Variants in RIMBP2 observed in about 807,000 individuals in gnomAD.
The protein encoded by RIMBP2 is RIMS-binding protein 2.
RIMBP2 carries 48 observed loss-of-function variants against 118.6 expected under a neutral mutation model. The ratio of observed to expected loss-of-function variants is 0.40; its 90% CI spans 0.32 to 0.51. The LOEUF (loss-of-function observed/expected upper bound fraction) is 0.51, where lower values mean the gene tolerates loss of function less well. Ranked by LOEUF, RIMBP2 falls within the 20% of genes least tolerant of loss-of-function variation. RIMBP2 has a pLI of 0.41. For synonymous variants in RIMBP2, 762 were observed against 742.9 expected, an observed-to-expected ratio of 1.03 and a Z score of -0.42; for missense variants, 1,551 against 1,768.3, an observed-to-expected ratio of 0.88 and a Z score of 2.20.
chr12:130,548,007 C>T (rs1593750919), intron 2 of RIMBP2, among the ~76,000 whole-genome samples: 1 of 152,252 alleles, frequency 6.6e-6, no homozygotes, highest in East Asian at 1.9e-4. Context: ...GATCGTATGT[C>T]AAGTAGTAGA....
chr12:130,424,386 C>T lies in RIMBP2; in HGVS notation c.2885G>A (p.Arg962Gln), dbSNP rs981884095. ...RGPRPLLARRRTLTRQSSVEE... is the reference protein window; with the variant it reads ...RGPRPLLARRQTLTRQSSVEE... ...CACGCTGCTCTGCCGGGTCAGCGTCCGCCGCCGGGCCAGCAGCGGCCTCGG... is the reference window on the plus strand; with the variant it reads ...CACGCTGCTCTGCCGGGTCAGCGTCTGCCGCCGGGCCAGCAGCGGCCTCGG... The change falls in exon 16 of 23, where the codon CGG becomes CAG. Residue 962 changes from arginine (R) to glutamine (Q), a missense_variant. Coordinates refer to ENST00000690449, the MANE Select transcript of RIMBP2 (RefSeq NM_001393629.1). The surrounding 1 kb of genome is among the most constrained non-coding windows in gnomAD (Gnocchi z 9.8). The T allele has an allele frequency of 1.7e-4, 205 of 1,232,676 alleles. No individual in the cohort carries two copies. The highest frequency in any genetic ancestry group is 6.0e-4 in the African/African-American group (39 of 64,528). The allele number at this position is 1,232,676 out of a possible 1,614,324, so 76.4% of individuals were successfully genotyped here.
intron 4 of RIMBP2, among the ~76,000 whole-genome samples, chr12:130,485,648 T>C (rs1292482222): frequency 6.6e-6 from 1 of 152,216 alleles, no homozygotes; most frequent in Non-Finnish European, 1.5e-5. Context: ...CTTTATTTAG[T>C]TCTGGGAAGG....
chr12:130,667,134 AGAGGGAGGGAAGGGAG>A lies in RIMBP2; in HGVS notation c.-351-38694_-351-38679del, dbSNP rs1239800514. 8.1e-5 allele frequency among the ~76,000 whole-genome samples: 3 copies of A among 36,928 alleles called. No individual in the cohort carries two copies. In the East Asian group the frequency reaches 2.3e-3, roughly 29 times the overall value. The allele number at this position is 36,928 out of a possible 152,430, so 24.2% of individuals were successfully genotyped here. A position where few individuals can be genotyped will look rare whatever the true frequency, so the allele number is the denominator to read the frequency against. On this transcript the variant is annotated intron_variant, in intron 1 of 22. Coordinates refer to ENST00000690449, the MANE Select transcript of RIMBP2 (RefSeq NM_001393629.1). ...AGGAATGAGGGAGGGAAGGAAGGAGAGAGGGAGGGAAGGGAGGAAGGGAGGGAAGAAGGGAGGGAGG... is the reference window on the plus strand; with the variant it reads ...AGGAATGAGGGAGGGAAGGAAGGAGAGAAGGGAGGGAAGAAGGGAGGGAGG...
At chr12:130,404,371 C>T (rs554301028) in intron 21 of RIMBP2, among the ~76,000 whole-genome samples, 14 of 152,162 alleles carry the variant, frequency 9.2e-5, no homozygotes, top group Non-Finnish European at 8.8e-5. Context: ...GATCTCAGCT[C>T]ACCGCAACCT....
chr12:130,518,768 G>A (rs2051755044), intron 2 of RIMBP2, among the ~76,000 whole-genome samples: 3 of 152,182 alleles, frequency 2.0e-5, no homozygotes, highest in Admixed American at 2.0e-4. Context: ...GGGAGAGTGA[G>A]CACAGAGATG....
Position 130,438,633 on chromosome 12 carries a change from A to G in RIMBP2, c.1505-117T>C, listed in dbSNP as rs182188532. ...GATCATTCGGTAAAGTCGCCAGGGAAAAAGAGAAGACAGTGTTGAAAGCAC... is the reference window on the plus strand; with the variant it reads ...GATCATTCGGTAAAGTCGCCAGGGAGAAAGAGAAGACAGTGTTGAAAGCAC... On this transcript the variant is annotated intron_variant, in intron 11 of 22. Coordinates refer to ENST00000690449, the MANE Select transcript of RIMBP2 (RefSeq NM_001393629.1). 479 of 960,994 alleles carry G rather than the reference A, an allele frequency of 5.0e-4. 1 individual carries two copies. Among genetic ancestry groups the G allele is most frequent in the Admixed American group, 1.6e-3 (51 of 32,078 alleles). The allele number at this position is 960,994 out of a possible 1,614,324, so 59.5% of individuals were successfully genotyped here.
Position 130,442,373 on chromosome 12 carries a change from C to T in RIMBP2, c.979G>A (p.Ala327Thr), listed in dbSNP as rs771972257. 1.8e-5 allele frequency: 29 copies of T among 1,614,002 alleles called. No individual in the cohort carries two copies. The highest frequency in any genetic ancestry group is 1.6e-4 in the Middle Eastern group (1 of 6,084). ...TCCCAGCCCACAATAACACTTTTGG[C>T]GAGTTGTTTGATGAGGGTGATTTTT... ...PRKITLIKQL[A>T]KSVIVGWEPP... Residue 327 changes from alanine to threonine, a missense_variant, in exon 11 of 23, where the codon GCC (alanine) becomes ACC (threonine). This residue lies in a region of RIMBP2 where 265 missense variants were observed against 349.5 expected (regional missense o/e 0.76). Transcript: ENST00000690449. The surrounding 1 kb of genome is among the most constrained non-coding windows in gnomAD (Gnocchi z 6.9).
chr12:130,425,654 C>T (rs1359787311), intron 15 of RIMBP2: 1 of 152,624 alleles, frequency 6.6e-6, no homozygotes, highest in Non-Finnish European at 1.5e-5. Flanking sequence ...GTCTGCACGC[C>T]ATCACTCTCT....
chr12:130,509,629 C>T (rs2050701495), intron 3 of RIMBP2, among the ~76,000 whole-genome samples: 1 of 152,160 alleles, frequency 6.6e-6, no homozygotes, highest in African/African-American at 2.4e-5. Flanking sequence ...CTCTCCCACA[C>T]CCTTCTCCCT....
rs2063180414 is a variant in RIMBP2 at position 130,650,372 on chromosome 12, A to C, written c.-351-21916T>G. ...TGGGGCTCTAAATAGAACTGCTCTTAACACCGCATGTGTGCTCTTCCTACT... is the reference window on the plus strand; with the variant it reads ...TGGGGCTCTAAATAGAACTGCTCTTCACACCGCATGTGTGCTCTTCCTACT... On this transcript the variant is annotated intron_variant, in intron 1 of 22. Transcript: ENST00000690449. Among the ~76,000 whole-genome samples, 3 of 152,214 alleles carry C rather than the reference A, an allele frequency of 2.0e-5. No individual in the cohort carries two copies. The South Asian group carries it at 6.2e-4, about 31-fold the overall frequency.
At chr12:130,676,292 C>T (rs2064460868) in intron 1 of RIMBP2, among the ~76,000 whole-genome samples, 1 of 142,186 alleles carries the variant, frequency 7.0e-6, no homozygotes, top group African/African-American at 2.6e-5. Context: ...GAAAAAAAAT[C>T]CAAATGTCCC....
intron 1 of RIMBP2, among the ~76,000 whole-genome samples, chr12:130,711,929 A>C (rs1237098830): frequency 6.6e-6 from 1 of 152,270 alleles, no homozygotes; most frequent in Non-Finnish European, 1.5e-5. Flanking sequence ...CCGGTTTCAC[A>C]GCTGTGCAGC....
chr12:130,699,626 C>T lies in RIMBP2; in HGVS notation c.-352+16596G>A, dbSNP rs1019443837. Among the ~76,000 whole-genome samples the T allele has an allele frequency of 2.6e-5, 4 of 151,356 alleles. No individual in the cohort carries two copies. In the East Asian group the frequency reaches 5.9e-4, roughly 22 times the overall value. ...ATAGCGTTAGGAGATATACCTAATG[C>T]TAAATGACGAGTTAATGGGTGCAGC... On this transcript the variant is annotated intron_variant, in intron 1 of 22. Coordinates refer to ENST00000690449, the MANE Select transcript of RIMBP2 (RefSeq NM_001393629.1).
At chr12:130,486,952 G>A (rs2082545564) in intron 4 of RIMBP2, among the ~76,000 whole-genome samples, 1 of 151,966 alleles carries the variant, frequency 6.6e-6, no homozygotes. Context: ...ACCAGAGATT[G>A]CCCCACAGCC....
At chr12:130,474,909 G>A (rs1001689384) in intron 5 of RIMBP2, among the ~76,000 whole-genome samples, 12 of 152,180 alleles carry the variant, frequency 7.9e-5, no homozygotes, top group Non-Finnish European at 1.8e-4. Context: ...TGTGTTGCTG[G>A]GACTTCACTG....
In RIMBP2 at chr12:130,464,951, T is replaced by G. The variant is rs145225835; in HGVS notation, c.153+5742A>C. 6.6e-5 allele frequency: 10 copies of G among 152,398 alleles called. No individual in the cohort carries two copies. The East Asian group carries it at 1.9e-3, about 29-fold the overall frequency. 9.4% of individuals were successfully genotyped at this position (152,398 alleles called of 1,614,324 possible). A position where few individuals can be genotyped will look rare whatever the true frequency, so the allele number is the denominator to read the frequency against. ...CCCACAGACATGGTTCCATTTTAGTTTCTTTTAAAATCAGAAAAGAAGTGA... is the reference window on the plus strand; with the variant it reads ...CCCACAGACATGGTTCCATTTTAGTGTCTTTTAAAATCAGAAAAGAAGTGA... On this transcript the variant is annotated intron_variant, in intron 6 of 22. Coordinates refer to ENST00000690449, the MANE Select transcript of RIMBP2 (RefSeq NM_001393629.1).
intron 4 of RIMBP2, among the ~76,000 whole-genome samples, chr12:130,495,292 A>G (rs573979868): frequency 6.6e-6 from 1 of 152,302 alleles, no homozygotes; most frequent in Admixed American, 6.5e-5. Context: ...CCTGCCCCAG[A>G]CCAAGCCATC....
At chr12:130,444,881 G>A (rs977813871) in intron 10 of RIMBP2, among the ~76,000 whole-genome samples, 1 of 152,214 alleles carries the variant, frequency 6.6e-6, no homozygotes, top group Admixed American at 6.5e-5. Context: ...CCATGTGTCT[G>A]CAAATAGCTG....
In RIMBP2 at chr12:130,442,452, C is replaced by G. The variant is rs956129826; in HGVS notation, c.900G>C (p.Gly300=). 5.0e-6 allele frequency: 8 copies of G among 1,614,080 alleles called. No homozygotes were observed. The highest frequency in any genetic ancestry group is 6.8e-6 in the Non-Finnish European group (8 of 1,180,050). The part of the protein sequence containing the change: ...IDAGITDNSA[G]TLDVNIDDIG... Reference sequence around the variant, plus strand: ...TGTCGTCGATGTTCACGTCCAGGGTCCCGGCACTGTTGTCGGTGATGCCCG... The same window carrying G: ...TGTCGTCGATGTTCACGTCCAGGGTGCCGGCACTGTTGTCGGTGATGCCCG... The change falls in exon 11 of 23, where the codon GGG becomes GGC. Residue 300 remains glycine, a synonymous_variant. Transcript: ENST00000690449. The surrounding 1 kb of genome is among the most constrained non-coding windows in gnomAD (Gnocchi z 6.9).
Sources: allele counts gnomAD v4.1 joint callset (sites outside exome capture counted in the v4.1 genomes callset), GRCh38; gene constraint gnomAD v4.1.1; regional missense constraint gnomAD v4.1.1; non-coding constraint Gnocchi (gnomAD v3.1); transcripts MANE v1.5; gene names NCBI Gene and HGNC (gene_info 2026-07-23, HGNC 2026-07-21).